ARIH1: variants seen among roughly 807,000 people sequenced by gnomAD.
The protein encoded by ARIH1 is E3 ubiquitin-protein ligase ARIH1.
Under a neutral mutation model 85.0 loss-of-function variants are expected in ARIH1, and 8 were observed. That is an observed-to-expected ratio of 0.09 (90% CI 0.06 to 0.17). The LOEUF is 0.17. Among genes scored for constraint, ARIH1 ranks in the 10% least tolerant of loss-of-function variants. The probability of loss-of-function intolerance (pLI) is 1.00; values close to 1 mark genes in which losing one functional copy is unlikely to be tolerated. For synonymous variants in ARIH1, 238 were observed against 253.6 expected (o/e 0.94, Z 0.59); for missense variants, 311 against 718.1 (o/e 0.43, Z 6.48).
chr15:72,474,804 C>T lies in ARIH1; in HGVS notation c.165C>T (p.Gly55=), dbSNP rs149715058. Residue 55 remains glycine (G), a synonymous_variant, in exon 1 of 14, where the codon GGC becomes GGT. Coordinates refer to ENST00000379887, the MANE Select transcript of ARIH1 (RefSeq NM_005744.5). The stretch of plus-strand genomic sequence containing the variant: ...TGGTGGAGCCCGGGCTGGGCGTCGG[C>T]GGGGAGCGGGACGGACTGCTGTGCG... The part of the protein sequence containing the change: ...VELVEPGLGV[G]GERDGLLCGE... 506 of 1,491,886 alleles carry T rather than the reference C, an allele frequency of 3.4e-4. 1 individual carries two copies. The African/African-American group carries it at 6.7e-3, about 20-fold the overall frequency. The allele number at this position is 1,491,886 out of a possible 1,614,324, so 92.4% of individuals were successfully genotyped here.
chr15:72,497,716 A>G (rs748904047), intron 1 of ARIH1, among the ~76,000 whole-genome samples: 15 of 152,152 alleles, frequency 9.9e-5, no homozygotes, highest in Non-Finnish European at 2.9e-5. Context: ...AGAAGAGGCT[A>G]TGTTTTCCTA....
At chr15:72,551,706 A>G (rs933139413) in intron 3 of ARIH1, among the ~76,000 whole-genome samples, 1 of 152,184 alleles carries the variant, frequency 6.6e-6, no homozygotes, top group Non-Finnish European at 1.5e-5. Flanking sequence ...CAAAATATGA[A>G]CACTAAGAAT....
chr15:72,559,623 A>T (rs1166374975), intron 5 of ARIH1, among the ~76,000 whole-genome samples: 2 of 152,164 alleles, frequency 1.3e-5, no homozygotes, highest in African/African-American at 4.8e-5. Flanking sequence ...TATACATAAT[A>T]TTATTCTACA....
At chr15:72,495,031 C>T (rs1014834252) in intron 1 of ARIH1, among the ~76,000 whole-genome samples, 1 of 152,138 alleles carries the variant, frequency 6.6e-6, no homozygotes, top group African/African-American at 2.4e-5. Context: ...TTAATAGTTG[C>T]TCTCCATTCC....
chr15:72,534,331 G>A (rs183622490), intron 2 of ARIH1, among the ~76,000 whole-genome samples: 1 of 151,960 alleles, frequency 6.6e-6, no homozygotes, highest in Non-Finnish European at 1.5e-5. Flanking sequence ...ATACGTTTAG[G>A]GGGGCTTGTA....
chr15:72,551,445 ATTAT>A (rs1282152298), intron 3 of ARIH1, among the ~76,000 whole-genome samples: 1 of 152,164 alleles, frequency 6.6e-6, no homozygotes, highest in Non-Finnish European at 1.5e-5. Flanking sequence ...AATAAGGTGT[ATTAT>A]TTGATACATG....
At chr15:72,541,292 C>G (rs1169809903) in intron 2 of ARIH1, among the ~76,000 whole-genome samples, 2 of 152,128 alleles carry the variant, frequency 1.3e-5, no homozygotes, top group African/African-American at 2.4e-5. Context: ...TCTCCCGACA[C>G]TCAGCTTTTC....
At chr15:72,563,332 T>C in intron 6 of ARIH1, 62 bp from the exon 7 acceptor site, 1 of 1,445,350 alleles carries the variant, frequency 6.9e-7, no homozygotes, top group Non-Finnish European at 9.7e-7. Flanking sequence ...GTTCTGGGAT[T>C]ATAGGTGTGA....
rs71137306 is a variant in ARIH1 at position 72,594,811 on chromosome 15, C to CTTTTT, written c.*11542_*11546dup. On this transcript the variant is annotated 3_prime_UTR_variant, in exon 14 of 14. Coordinates refer to ENST00000379887, the MANE Select transcript of ARIH1 (RefSeq NM_005744.5). ...TTTTTCTGATTTTATGCCTTTTCTT[C>CTTTTT]TTTTTTTTTTTTTTTTTTTTTTTTT... The CTTTTT allele has an allele frequency of 6.3e-3, 498 of 79,562 alleles. 72 individuals carry two copies. The highest frequency in any genetic ancestry group is 0.024 in the African/African-American group (390 of 16,366). The allele number at this position is 79,562 out of a possible 1,614,324, so 4.9% of individuals were successfully genotyped here.
At position 72,561,759 on chromosome 15, in the gene ARIH1, A is replaced by T. The variant is rs539124450; in HGVS notation, c.804+210A>T. Among the ~76,000 whole-genome samples, 20 of 152,286 alleles carry T rather than the reference A, an allele frequency of 1.3e-4. 1 individual carries two copies. The East Asian group carries it at 3.9e-3, about 29-fold the overall frequency. The stretch of plus-strand genomic sequence containing the variant: ...CACTAAGGGAGGCCGAGGCGGGTGG[A>T]TCACCTGAGATCAGGAGTTCAAGAC... On this transcript the variant is annotated intron_variant, in intron 6 of 13. Transcript: ENST00000379887.
intron 2 of ARIH1, among the ~76,000 whole-genome samples, chr15:72,519,466 GT>G (rs947141793): frequency 9.6e-6 from 1 of 103,972 alleles, no homozygotes; most frequent in Non-Finnish European, 1.9e-5. Context: ...TTCTGACCAT[GT>G]TTTTTTTGTT....
intron 2 of ARIH1, among the ~76,000 whole-genome samples, chr15:72,540,692 T>C (rs1384871743): frequency 6.6e-6 from 1 of 152,096 alleles, no homozygotes; most frequent in Non-Finnish European, 1.5e-5. Flanking sequence ...CATGTAGTGG[T>C]GTGCACGTAT....
chr15:72,529,721 A>G (rs1353174721), intron 2 of ARIH1, among the ~76,000 whole-genome samples: 1 of 152,186 alleles, frequency 6.6e-6, no homozygotes, highest in Non-Finnish European at 1.5e-5. Flanking sequence ...GAAGGGCAGA[A>G]GTGATATGGG....
At chr15:72,560,676 G>A (rs2064193823) in intron 5 of ARIH1, among the ~76,000 whole-genome samples, 1 of 152,168 alleles carries the variant, frequency 6.6e-6, no homozygotes. Flanking sequence ...AATGTGATAG[G>A]AGTGCACTGA....
chr15:72,582,729 G>A lies in ARIH1; in HGVS notation c.1590-479G>A, dbSNP rs1382954437. Among the ~76,000 whole-genome samples the A allele has an allele frequency of 1.3e-5, 2 of 152,092 alleles. No individual in the cohort carries two copies. The highest frequency in any genetic ancestry group is 2.9e-5 in the Non-Finnish European group (2 of 68,030). The stretch of plus-strand genomic sequence containing the variant: ...TTCTCCCAAAGTGACAAATGCTAGT[G>A]TCTTTTGAAAGTTGTAGGAAACTTG... On this transcript the variant is annotated intron_variant, in intron 13 of 13. Coordinates refer to ENST00000379887, the MANE Select transcript of ARIH1 (RefSeq NM_005744.5). This position sits in a 1 kb window ranked among gnomAD's most constrained non-coding sequence, Gnocchi z 4.6.
chr15:72,561,829 T>C (rs1489484595), intron 6 of ARIH1, among the ~76,000 whole-genome samples: 1 of 151,892 alleles, frequency 6.6e-6, no homozygotes, highest in African/African-American at 2.4e-5. Flanking sequence ...AAAAATTAGC[T>C]GGGCACAGTG....
chr15:72,551,537 T>G (rs916456357), intron 3 of ARIH1, among the ~76,000 whole-genome samples: 2 of 152,266 alleles, frequency 1.3e-5, no homozygotes, highest in South Asian at 2.1e-4. Context: ...TCAAATAAGG[T>G]GGATTATTTG....
chr15:72,566,813 A>G (rs1369273034), intron 8 of ARIH1, among the ~76,000 whole-genome samples: 1 of 152,168 alleles, frequency 6.6e-6, no homozygotes, highest in Non-Finnish European at 1.5e-5. Flanking sequence ...ACCATGGCTA[A>G]GGCACCTCTT....
At chr15:72,489,360 CT>C (rs1410040883) in intron 1 of ARIH1, among the ~76,000 whole-genome samples, 36 of 151,800 alleles carry the variant, frequency 2.4e-4, no homozygotes, top group Middle Eastern at 3.4e-3. Context: ...CTATTTGCCT[CT>C]TAAAATGTTC....
Sources: gnomAD v4.1 joint callset for allele counts (sites outside exome capture counted in the v4.1 genomes callset) on GRCh38, gnomAD v4.1.1 for gene constraint, Gnocchi (gnomAD v3.1) non-coding constraint, MANE v1.5 for transcripts, NCBI Gene and HGNC (gene_info 2026-07-23, HGNC 2026-07-21) for gene names.